The following WDR17 variants were observed in gnomAD, a reference collection of about 807,000 sequenced individuals.
WDR17 encodes the protein WD repeat-containing protein 17.
WDR17 carries 143 observed loss-of-function variants against 161.7 expected under a neutral mutation model. The observed-to-expected ratio is 0.88, with a 90% CI of 0.77 to 1.02. The LOEUF is 1.02. Among genes scored for constraint, WDR17 ranks in the 50% least tolerant of loss-of-function variants. The pLI is 0.00. For synonymous variants in WDR17, 517 were observed against 515.6 expected (o/e 1.00, Z -0.04); for missense variants, 1,469 against 1,520.9 (o/e 0.97, Z 0.57).
At chr4:176,067,241 C>T (rs1732648185) in intron 1 of WDR17, among the ~76,000 whole-genome samples, 1 of 152,160 alleles carries the variant, frequency 6.6e-6, no homozygotes, top group Non-Finnish European at 1.5e-5. Flanking sequence ...CCCCTCCTAT[C>T]ATCTAAAATT....
Position 176,173,270 on chromosome 4 carries a change from A to T in WDR17, c.3248A>T (p.Tyr1083Phe). 1.9e-6 allele frequency: 3 copies of T among 1,602,098 alleles called. No homozygotes were observed. The highest frequency in any genetic ancestry group is 1.7e-4 in the Middle Eastern group (1 of 5,788). Residue 1083 changes from tyrosine (Y) to phenylalanine (F), a missense_variant, in exon 25 of 29, where the codon TAC (tyrosine) becomes TTC (phenylalanine). Transcript: ENST00000508596. ...CCATCTGGTTTAATTTTTCCAGAAT[A>T]CATCAGTAGCTCAGACTGGACTTTG... ...LPIGISFVKE[Y>F]ISSSDWTLDT...
intron 1 of WDR17, among the ~76,000 whole-genome samples, chr4:176,082,847 A>G (rs564283369): frequency 3.2e-4 from 49 of 152,240 alleles, no homozygotes; most frequent in African/African-American, 1.1e-3. Flanking sequence ...AATAGCAAAG[A>G]TGAAGATGAA....
intron 11 of WDR17, among the ~76,000 whole-genome samples, chr4:176,144,442 T>C (rs1745842835): frequency 6.6e-6 from 1 of 152,162 alleles, no homozygotes; most frequent in South Asian, 2.1e-4. Flanking sequence ...AAAGGAGATG[T>C]TCAATAAATA....
In WDR17 at chr4:176,168,678, G is replaced by T. The variant is rs1187137264; in HGVS notation, c.2997G>T (p.Leu999Phe). ...RKCMMISVWN[L>F]AADLLLMIPD... ...CCTTTTGTTACGTTAACAGGAATTT[G>T]GCAGCTGATCTTCTTCTGATGATTC... Residue 999 changes from leucine (L) to phenylalanine (F), a missense_variant, in exon 23 of 29, where the codon TTG becomes TTT. Coordinates refer to ENST00000508596, the MANE Select transcript of WDR17 (RefSeq NM_181265.4). The T allele has an allele frequency of 6.2e-7, 1 of 1,613,434 alleles. No homozygotes were observed. Among genetic ancestry groups the T allele is most frequent in the Non-Finnish European group, 8.5e-7 (1 of 1,179,724 alleles).
intron 5 of WDR17, among the ~76,000 whole-genome samples, chr4:176,127,990 C>G (rs970342659): frequency 6.6e-6 from 1 of 152,156 alleles, no homozygotes; most frequent in African/African-American, 2.4e-5. Context: ...GTACTTCATT[C>G]CTTTTTATGG....
chr4:176,148,802 G>A (rs150912223), intron 13 of WDR17, among the ~76,000 whole-genome samples: 246 of 151,912 alleles, frequency 1.6e-3, no homozygotes, highest in African/African-American at 5.7e-3. Context: ...ATATAATCCC[G>A]TTTTTTTAAT....
chr4:176,177,578 C>A lies in WDR17; in HGVS notation c.3656C>A (p.Pro1219Gln). 6.3e-7 allele frequency: 1 copy of A among 1,596,340 alleles called. No individual in the cohort carries two copies. Residue 1219 changes from proline (P) to glutamine (Q), a missense_variant, in exon 28 of 29, where the codon CCA becomes CAA. By Grantham distance (76) the Pro-to-Gln change is moderately conservative. Coordinates refer to ENST00000508596, the MANE Select transcript of WDR17 (RefSeq NM_181265.4). Reference protein sequence around the residue: ...KEESLKGIIGPDYVTGSNLPS... With the variant: ...KEESLKGIIGQDYVTGSNLPS... Reference sequence around the variant, plus strand: ...GAGTCACTGAAAGGAATTATTGGACCAGATTATGTGACTGGATCAAATCTT... The same window carrying A: ...GAGTCACTGAAAGGAATTATTGGACAAGATTATGTGACTGGATCAAATCTT...
intron 7 of WDR17, among the ~76,000 whole-genome samples, chr4:176,132,944 C>T (rs893929104): frequency 2.0e-5 from 3 of 151,504 alleles, no homozygotes; most frequent in African/African-American, 4.8e-5. Flanking sequence ...CTGATATGTC[C>T]TGAGTTGCTT....
intron 10 of WDR17, among the ~76,000 whole-genome samples, chr4:176,140,716 C>T (rs12506509): frequency 0.049 from 7,408 of 152,196 alleles, 257 homozygotes; most frequent in East Asian, 0.12. Context: ...CCAGTCTTCT[C>T]ATCCTCACTT....
At chr4:176,072,088 T>C (rs1457461656) in intron 1 of WDR17, among the ~76,000 whole-genome samples, 1 of 152,228 alleles carries the variant, frequency 6.6e-6, no homozygotes, top group African/African-American at 2.4e-5. Flanking sequence ...GTACTGTACT[T>C]GTGACCTATT....
intron 17 of WDR17, 59 bp downstream of exon 17, chr4:176,152,026 T>C: frequency 6.6e-7 from 1 of 1,507,578 alleles, no homozygotes; most frequent in Non-Finnish European, 8.9e-7. Flanking sequence ...ACGTTAAGAA[T>C]ATACTCAATT....
chr4:176,149,400 G>A (rs995848946), intron 13 of WDR17, among the ~76,000 whole-genome samples: 14 of 151,912 alleles, frequency 9.2e-5, no homozygotes, highest in Non-Finnish European at 1.8e-4. Context: ...CTTCCAAGTA[G>A]CTGGGACTAC....
chr4:176,083,172 G>GTGATT (rs67109606), intron 1 of WDR17, among the ~76,000 whole-genome samples: 31,937 of 151,908 alleles, frequency 0.21, 3,589 homozygotes, highest in South Asian at 0.27. Flanking sequence ...CCTAATGCAA[G>GTGATT]TGATTTTTTA....
intron 10 of WDR17, among the ~76,000 whole-genome samples, chr4:176,140,203 C>G (rs1023440923): frequency 2.0e-5 from 3 of 152,030 alleles, no homozygotes; most frequent in African/African-American, 7.2e-5. Context: ...ATTGCTTTCT[C>G]AATGAAAATA....
At chr4:176,111,381 A>G (rs1460430488) in intron 1 of WDR17, 194 bp from the exon 2 acceptor site, 1 of 398,022 alleles carries the variant, frequency 2.5e-6, no homozygotes, top group Non-Finnish European at 4.3e-6. Flanking sequence ...CCTCATTTAA[A>G]TTAGTTGCCT....
intron 21 of WDR17, among the ~76,000 whole-genome samples, chr4:176,162,938 T>TA (rs1207228837): frequency 1.3e-5 from 2 of 152,152 alleles, no homozygotes; most frequent in Non-Finnish European, 2.9e-5. Context: ...AATTCTGACC[T>TA]AAAAAAAATT....
chr4:176,097,324 A>AT lies in WDR17; in HGVS notation c.-6-14246dup, dbSNP rs552696506. On this transcript the variant is annotated intron_variant, in intron 1 of 28. Coordinates refer to ENST00000508596, the MANE Select transcript of WDR17 (RefSeq NM_181265.4). ...ACCAGACTATGTGCAGTTTTACTAG[A>AT]TTTTTCACCACTGTTGTTCAAGGGC... Among the ~76,000 whole-genome samples, 542 of 151,948 alleles carry AT rather than the reference A, an allele frequency of 3.6e-3. 2 individuals are homozygous for AT. The highest frequency in any genetic ancestry group is 0.012 in the African/African-American group (492 of 41,484).
chr4:176,137,646 G>C, intron 9 of WDR17, 35 bp downstream of exon 9: 1 of 1,232,598 alleles, frequency 8.1e-7, no homozygotes, highest in African/African-American at 1.6e-5. Flanking sequence ...ATAATATAAT[G>C]TTTTATACTA....
rs571273382 is a variant in WDR17, at chr4:176,111,849, G to C, written c.123+146G>C. 43 of 790,448 alleles carry C rather than the reference G, an allele frequency of 5.4e-5. No homozygotes were observed. In the African/African-American group the frequency reaches 6.9e-4, roughly 13 times the overall value. 49.0% of individuals were successfully genotyped at this position (790,448 alleles called of 1,614,324 possible). A position where few individuals can be genotyped will look rare whatever the true frequency, so the allele number is the denominator to read the frequency against. On this transcript the variant is annotated intron_variant, in intron 2 of 28. Coordinates refer to ENST00000508596, the MANE Select transcript of WDR17 (RefSeq NM_181265.4). ...TTTTTAAAGTTTTGTGATTTATACC[G>C]TATAGGTTTTAAAAGTTAAACCTTT...
Sources: gnomAD v4.1 joint callset for allele counts (sites outside exome capture counted in the v4.1 genomes callset) on GRCh38, gnomAD v4.1.1 for gene constraint, MANE v1.5 for transcripts, NCBI Gene and HGNC (gene_info 2026-07-23, HGNC 2026-07-21) for gene names.